The following MARS1 variants were observed in gnomAD, a reference collection of about 807,000 sequenced individuals.
MARS1 encodes the protein methionine--tRNA ligase, cytoplasmic.
In MARS1, 80 loss-of-function variants were observed where a neutral mutation model predicts 119.5. The ratio of observed to expected loss-of-function variants is 0.67; its 90% confidence interval spans 0.56 to 0.81. The LOEUF (loss-of-function observed/expected upper bound fraction) is 0.81, where lower values mean the gene tolerates loss of function less well. Among genes scored for constraint, MARS1 ranks in the 30% least tolerant of loss-of-function variants. The pLI is 0.00. For missense variants in MARS1, 945 were observed against 1,116.5 expected, an observed-to-expected ratio of 0.85 and a Z score of 2.19; for synonymous variants, 418 against 433.4, an observed-to-expected ratio of 0.96 and a Z score of 0.44.
chr12:57,508,369 C>T (rs374396344), intron 11 of MARS1, among the ~76,000 whole-genome samples: 1 of 152,212 alleles, frequency 6.6e-6, no homozygotes, highest in African/African-American at 2.4e-5. Context: ...AGCCTGGGCA[C>T]CATTGAGCAC....
rs141937312 is a variant in MARS1, at chr12:57,500,269, G to C, written c.1092-52G>C. On this transcript the variant is annotated intron_variant, in intron 9 of 20. Coordinates refer to ENST00000262027, the MANE Select transcript of MARS1 (RefSeq NM_004990.4). Reference sequence around the variant, plus strand: ...CTGGTTGGAGTGGCAGGAGGAAGGGGTCCACCACGTCTTCTGACTGTCTCT... The same window carrying C: ...CTGGTTGGAGTGGCAGGAGGAAGGGCTCCACCACGTCTTCTGACTGTCTCT... 6.3e-4 allele frequency: 937 copies of C among 1,491,304 alleles called. 5 individuals are homozygous for C. In the African/African-American group the frequency reaches 9.8e-3, roughly 16 times the overall value. 92.4% of individuals were successfully genotyped at this position (1,491,304 alleles called of 1,614,324 possible). A position where few individuals can be genotyped will look rare whatever the true frequency, so the allele number is the denominator to read the frequency against.
chr12:57,501,158 G>T (rs995044984), intron 10 of MARS1, among the ~76,000 whole-genome samples: 16 of 152,316 alleles, frequency 1.1e-4, no homozygotes, highest in African/African-American at 3.8e-4. Context: ...TAAGCGGAAG[G>T]ACTAGGAAAT....
intron 11 of MARS1, 61 bp downstream of exon 11, chr12:57,504,360 G>A: frequency 7.7e-6 from 10 of 1,304,780 alleles, no homozygotes; most frequent in Non-Finnish European, 1.1e-5. Context: ...CTCTGCCTTA[G>A]CCACAAATAC....
chr12:57,489,079 A>G lies in MARS1; in HGVS notation c.170A>G (p.Asn57Ser). Residue 57 changes from asparagine to serine, a missense_variant, in exon 2 of 21, where the codon AAC becomes AGC. Physicochemically the swap from Asn to Ser is conservative, Grantham distance 46 (BLOSUM62 1). Coordinates refer to ENST00000262027, the MANE Select transcript of MARS1 (RefSeq NM_004990.4). The part of the protein sequence containing the change: ...KVPVLQLDSG[N>S]YLFSTSAICR... ...CCTGTCTTGCAGCTGGATAGCGGCA[A>G]CTACCTCTTCTCCACTAGTGCAATC... 8.7e-6 allele frequency: 14 copies of G among 1,613,850 alleles called. No homozygotes were observed. Among genetic ancestry groups the G allele is most frequent in the Non-Finnish European group, 1.2e-5 (14 of 1,179,988 alleles).
rs750495547 is a variant in MARS1, at chr12:57,489,886, C to T, written c.415-10C>T. The T allele has an allele frequency of 1.2e-6, 2 of 1,612,568 alleles. No individual in the cohort carries two copies. Among genetic ancestry groups the T allele is most frequent in the South Asian group, 2.2e-5 (2 of 91,058 alleles). On this transcript the variant is annotated splice_polypyrimidine_tract_variant and intron_variant, in intron 4 of 20. Coordinates refer to ENST00000262027, the MANE Select transcript of MARS1 (RefSeq NM_004990.4). ...TTTGTGTACATTTTCCTTTTCTATC[C>T]CCAACAAAGGAGACAGAATCTCTAG... is the stretch of plus-strand genomic sequence containing the variant.
At chr12:57,493,332 A>G (rs1158008691) in intron 7 of MARS1, among the ~76,000 whole-genome samples, 1 of 101,448 alleles carries the variant, frequency 9.9e-6, no homozygotes, top group Non-Finnish European at 1.8e-5. Flanking sequence ...TATTATATAT[A>G]ATATATGTTA....
At chr12:57,504,818 G>A (rs778215345) in intron 11 of MARS1, among the ~76,000 whole-genome samples, 1 of 148,850 alleles carries the variant, frequency 6.7e-6, no homozygotes, top group South Asian at 2.1e-4. Flanking sequence ...ATTCTCCTGC[G>A]TCAGCCTCCA....
chr12:57,514,158 T>C (rs890692923), intron 15 of MARS1, among the ~76,000 whole-genome samples: 1 of 137,136 alleles, frequency 7.3e-6, no homozygotes, highest in African/African-American at 2.7e-5. Flanking sequence ...GAGTAATGAC[T>C]TTTTTTTTTT....
Position 57,514,860 on chromosome 12 carries a change from C to CT in MARS1, c.2099+10dup, listed in dbSNP as rs1296441188. 1.2e-6 allele frequency: 2 copies of CT among 1,613,442 alleles called. No individual in the cohort carries two copies. Among genetic ancestry groups the CT allele is most frequent in the African/African-American group, 2.7e-5 (2 of 74,898 alleles). ...CTACTTGAGAAGGTTCGGTAAGTAA[C>CT]TGACACCTCTGTCTTTTCTGCTGGC... is the stretch of plus-strand genomic sequence containing the variant. On this transcript the variant is annotated intron_variant, in intron 16 of 20. Transcript: ENST00000262027.
At chr12:57,490,119 G>A in intron 5 of MARS1, 88 bp from the exon 6 acceptor site, 2 of 1,502,186 alleles carry the variant, frequency 1.3e-6, no homozygotes, top group South Asian at 2.4e-5. Flanking sequence ...AAAGCAACTG[G>A]AGAAACCTCA....
chr12:57,512,428 TGG>T (rs1194167772), intron 14 of MARS1, 75 bp downstream of exon 14: 11 of 1,022,284 alleles, frequency 1.1e-5, no homozygotes, highest in Non-Finnish European at 1.5e-5. Flanking sequence ...AAAAAGATCT[TGG>T]AGAGCTGCTA....
At chr12:57,508,418 G>A (rs2140029556) in intron 11 of MARS1, among the ~76,000 whole-genome samples, 1 of 152,308 alleles carries the variant, frequency 6.6e-6, no homozygotes, top group East Asian at 1.9e-4. Flanking sequence ...CGGCACCTCG[G>A]GAGGCCGAGG....
chr12:57,504,734 G>A (rs561043903), intron 11 of MARS1, among the ~76,000 whole-genome samples: 3 of 119,962 alleles, frequency 2.5e-5, no homozygotes, highest in African/African-American at 3.2e-5. Context: ...ACAGAGTTTC[G>A]CTCTTGTCGC....
chr12:57,498,119 TC>T (rs759602853), intron 7 of MARS1, 37 bp from the exon 8 acceptor site: 4 of 1,359,504 alleles, frequency 2.9e-6, no homozygotes, highest in Non-Finnish European at 3.2e-6. Context: ...GACCCTCACA[TC>T]CCCCCATGCA....
In MARS1 at chr12:57,490,842, G is replaced by A. The variant is rs1594808557; in HGVS notation, c.770+198G>A. 4.3e-5 allele frequency among the ~76,000 whole-genome samples: 3 copies of A among 70,382 alleles called. No homozygotes were observed. In the South Asian group the frequency reaches 1.3e-3, roughly 30 times the overall value. 46.2% of individuals were successfully genotyped at this position (70,382 alleles called of 152,430 possible). A position where few individuals can be genotyped will look rare whatever the true frequency, so the allele number is the denominator to read the frequency against. On this transcript the variant is annotated intron_variant, in intron 7 of 20. Coordinates refer to ENST00000262027, the MANE Select transcript of MARS1 (RefSeq NM_004990.4). ...GCCTATCATTTTGGACACTCCATCT[G>A]TCCCATCTGCACCCATGTTTTTCTT...
chr12:57,488,339 C>G (rs934060160), intron 1 of MARS1, 140 bp downstream of exon 1: 4 of 799,238 alleles, frequency 5.0e-6, no homozygotes, highest in African/African-American at 1.7e-5. Flanking sequence ...CTTGATCACT[C>G]CACGCCTTCT....
rs568624285 is a variant in MARS1 at position 57,514,157 on chromosome 12, C to CTT, written c.1968-547_1968-546dup. 7.5e-4 allele frequency among the ~76,000 whole-genome samples: 99 copies of CTT among 131,212 alleles called. 1 individual carries two copies. Among genetic ancestry groups the CTT allele is most frequent in the Non-Finnish European group, 1.4e-3 (88 of 61,204 alleles). The allele number at this position is 131,212 out of a possible 152,430, so 86.1% of individuals were successfully genotyped here. On this transcript the variant is annotated intron_variant, in intron 15 of 20. Transcript: ENST00000262027. The stretch of plus-strand genomic sequence containing the variant: ...TCAGCTTGGTCATTTTGAGTAATGA[C>CTT]TTTTTTTTTTTTTTTTTGAGATGGA...
At chr12:57,496,609 T>C (rs561580290) in intron 7 of MARS1, among the ~76,000 whole-genome samples, 2 of 151,930 alleles carry the variant, frequency 1.3e-5, no homozygotes, top group East Asian at 3.9e-4. Flanking sequence ...ACTGCATCTC[T>C]ACAAAAAAAA....
At chr12:57,492,085 C>G (rs1875993751) in intron 7 of MARS1, among the ~76,000 whole-genome samples, 1 of 151,504 alleles carries the variant, frequency 6.6e-6, no homozygotes, top group Non-Finnish European at 1.5e-5. Context: ...TCAAGACCAG[C>G]CTGGCCAACA....
Sources: gnomAD v4.1 joint callset for allele counts (sites outside exome capture counted in the v4.1 genomes callset) on GRCh38, gnomAD v4.1.1 for gene constraint, MANE v1.5 for transcripts, NCBI Gene and HGNC (gene_info 2026-07-23, HGNC 2026-07-21) for gene names.